PITPNC1: variants seen among roughly 807,000 people sequenced by gnomAD.
PITPNC1 encodes phosphatidylinositol transfer protein cytoplasmic 1.
PITPNC1 carries 18 observed loss-of-function variants against 44.7 expected under a neutral mutation model. The observed-to-expected ratio is 0.40, with a 90% CI of 0.28 to 0.60. PITPNC1 has a LOEUF of 0.60. Among genes scored for constraint, PITPNC1 ranks in the 20% least tolerant of loss-of-function variants. PITPNC1 has a pLI of 0.39. For missense variants in PITPNC1, 290 were observed against 418.4 expected, an observed-to-expected ratio of 0.69 and a Z score of 2.68; for synonymous variants, 141 against 149.6, an observed-to-expected ratio of 0.94 and a Z score of 0.42.
chr17:67,582,810 G>A (rs889842979), intron 5 of PITPNC1, among the ~76,000 whole-genome samples: 3 of 152,188 alleles, frequency 2.0e-5, no homozygotes, highest in Non-Finnish European at 4.4e-5. Context: ...GTAAGGTTCC[G>A]TTGTTTATCC....
In PITPNC1 at chr17:67,694,147, G is replaced by A. The variant is rs2537845; in HGVS notation, c.*1259G>A. 120,373 of 152,202 alleles carry A rather than the reference G, an allele frequency of 0.79. 47,904 individuals carry two copies. The highest frequency in any genetic ancestry group is 0.92 in the East Asian group (4,771 of 5,180). The allele number at this position is 152,202 out of a possible 1,614,324, so 9.4% of individuals were successfully genotyped here. ...AGAATCAAGGTTGACAGGAGGCAAG[G>A]TCACTCACTGAAGTGACAGAAAGAC... is the stretch of plus-strand genomic sequence containing the variant. On this transcript the variant is annotated 3_prime_UTR_variant, in exon 9 of 9. Transcript: ENST00000581322.
In PITPNC1 at chr17:67,425,200, C is replaced by CGT. The variant is rs2038738371; in HGVS notation, c.48+46998_48+46999insGT. ...CAGCCATGTTGTGCGCGCGCACGCA[C>CGT]ACGCACACACACACACACACACACA... is the stretch of plus-strand genomic sequence containing the variant. On this transcript the variant is annotated intron_variant, in intron 1 of 8. Transcript: ENST00000581322. Among the ~76,000 whole-genome samples, 12 of 26,244 alleles carry CGT rather than the reference C, an allele frequency of 4.6e-4. 1 individual carries two copies. Among genetic ancestry groups the CGT allele is most frequent in the Admixed American group, 2.6e-3 (9 of 3,480 alleles). The allele number at this position is 26,244 out of a possible 152,430, so 17.2% of individuals were successfully genotyped here. A position where few individuals can be genotyped will look rare whatever the true frequency, so the allele number is the denominator to read the frequency against.
intron 1 of PITPNC1, among the ~76,000 whole-genome samples, chr17:67,405,134 C>T (rs1300626213): frequency 6.6e-6 from 1 of 152,040 alleles, no homozygotes; most frequent in Non-Finnish European, 1.5e-5. Context: ...GTAATCCCAG[C>T]TACTTGGGAG....
Position 67,378,131 on chromosome 17 carries a change from CG to C in PITPNC1, c.-19del. 2.6e-6 allele frequency: 4 copies of C among 1,523,710 alleles called. No homozygotes were observed. The highest frequency in any genetic ancestry group is 3.5e-6 in the Non-Finnish European group (4 of 1,135,990). The allele number at this position is 1,523,710 out of a possible 1,614,324, so 94.4% of individuals were successfully genotyped here. On this transcript the variant is annotated 5_prime_UTR_variant, in exon 1 of 9. Coordinates refer to ENST00000581322, the MANE Select transcript of PITPNC1 (RefSeq NM_012417.4). ...TGGGGGCGCCCCCCGCTTCCCGCCC[CG>C]GGGGTCCGCGGCCGGCAGGACCATG...
At chr17:67,562,340 G>A (rs548434876) in intron 4 of PITPNC1, among the ~76,000 whole-genome samples, 1 of 152,188 alleles carries the variant, frequency 6.6e-6, no homozygotes, top group East Asian at 1.9e-4. Context: ...GCTGTTTTCC[G>A]GCTGTGTTTC....
chr17:67,660,705 C>G (rs1395325570), intron 6 of PITPNC1, among the ~76,000 whole-genome samples: 1 of 151,744 alleles, frequency 6.6e-6, no homozygotes, highest in Non-Finnish European at 1.5e-5. Context: ...GCCACCACAC[C>G]TGGCTAATTT....
chr17:67,463,981 GT>G (rs1469417284), intron 1 of PITPNC1, among the ~76,000 whole-genome samples: 1 of 151,982 alleles, frequency 6.6e-6, no homozygotes, highest in Non-Finnish European at 1.5e-5. Context: ...ATCACTTGAG[GT>G]CAAGAGTTCG....
At chr17:67,555,672 CAAAAAAA>C (rs67935513) in intron 4 of PITPNC1, among the ~76,000 whole-genome samples, 56 of 78,152 alleles carry the variant, frequency 7.2e-4, no homozygotes, top group East Asian at 2.9e-3. Context: ...ACTAAAAATA[CAAAAAAA>C]AAAAAAAAAA....
At position 67,663,178 on chromosome 17, in the gene PITPNC1, T is replaced by C. The variant is rs184608959; in HGVS notation, c.463-6330T>C. On this transcript the variant is annotated intron_variant, in intron 6 of 8. Coordinates refer to ENST00000581322, the MANE Select transcript of PITPNC1 (RefSeq NM_012417.4). ...CATTGTATGGATATAACACATGTTG[T>C]GTATCTGATACAGGCAAGCCCCTAA... Among the ~76,000 whole-genome samples, 378 of 152,302 alleles carry C rather than the reference T, an allele frequency of 2.5e-3. 2 individuals are homozygous for C. The highest frequency in any genetic ancestry group is 8.5e-3 in the African/African-American group (355 of 41,560).
At chr17:67,513,810 A>G (rs1279598356) in intron 1 of PITPNC1, among the ~76,000 whole-genome samples, 1 of 152,192 alleles carries the variant, frequency 6.6e-6, no homozygotes, top group Non-Finnish European at 1.5e-5. Flanking sequence ...CCCACTGCTT[A>G]GCATCCTATG....
intron 1 of PITPNC1, among the ~76,000 whole-genome samples, chr17:67,452,118 A>C (rs1247198775): frequency 6.6e-6 from 1 of 151,448 alleles, no homozygotes; most frequent in Non-Finnish European, 1.5e-5. Context: ...GATCCTCCCA[A>C]CGTCATCCTC....
At chr17:67,492,812 T>C (rs572157893) in intron 1 of PITPNC1, among the ~76,000 whole-genome samples, 17 of 152,290 alleles carry the variant, frequency 1.1e-4, no homozygotes, top group African/African-American at 4.1e-4. Flanking sequence ...TTGTGAGATG[T>C]GTTTATCCTG....
intron 1 of PITPNC1, among the ~76,000 whole-genome samples, chr17:67,436,939 GACAGGATCTC>G (rs2038947250): frequency 1.4e-5 from 1 of 73,136 alleles, no homozygotes; most frequent in African/African-American, 5.2e-5. Context: ...TTTTTTTTGA[GACAGGATCTC>G]ACTCTGCTTG....
rs765438615 is a variant in PITPNC1 at position 67,693,730 on chromosome 17, T to G, written c.*842T>G. 1 of 152,230 alleles carries G rather than the reference T, an allele frequency of 6.6e-6. No individual in the cohort carries two copies. Among genetic ancestry groups the G allele is most frequent in the Non-Finnish European group, 1.5e-5 (1 of 68,048 alleles). The allele number at this position is 152,230 out of a possible 1,614,324, so 9.4% of individuals were successfully genotyped here. On this transcript the variant is annotated 3_prime_UTR_variant, in exon 9 of 9. Coordinates refer to ENST00000581322, the MANE Select transcript of PITPNC1 (RefSeq NM_012417.4). ...CAATTAAGATTCTCAGAATTTGCAA[T>G]TAATTGAATAGAATTCATTTACTAT...
chr17:67,395,235 C>T (rs1407424287), intron 1 of PITPNC1, among the ~76,000 whole-genome samples: 1 of 151,562 alleles, frequency 6.6e-6, no homozygotes, highest in African/African-American at 2.4e-5. Flanking sequence ...CTCATTGTAG[C>T]CTCACACTTC....
intron 5 of PITPNC1, among the ~76,000 whole-genome samples, chr17:67,629,382 C>G (rs2041937813): frequency 6.6e-6 from 1 of 152,180 alleles, no homozygotes; most frequent in Non-Finnish European, 1.5e-5. Context: ...AAGTGATTCT[C>G]CTGCCTCAGG....
At chr17:67,620,853 G>A (rs1190685589) in intron 5 of PITPNC1, among the ~76,000 whole-genome samples, 2 of 152,190 alleles carry the variant, frequency 1.3e-5, no homozygotes, top group Non-Finnish European at 2.9e-5. Flanking sequence ...ATTACCAAAT[G>A]GGGTTTCAAT....
intron 6 of PITPNC1, among the ~76,000 whole-genome samples, chr17:67,649,302 A>T (rs962939929): frequency 6.6e-6 from 1 of 152,220 alleles, no homozygotes; most frequent in African/African-American, 2.4e-5. Flanking sequence ...CCCATCTGGA[A>T]ATTTCTAAAG....
chr17:67,444,828 C>T (rs1263712463), intron 1 of PITPNC1, among the ~76,000 whole-genome samples: 1 of 151,842 alleles, frequency 6.6e-6, no homozygotes, highest in Non-Finnish European at 1.5e-5. Flanking sequence ...ACCCAGGAGG[C>T]GGAGGTTGCA....
Sources: allele counts gnomAD v4.1 joint callset (sites outside exome capture counted in the v4.1 genomes callset), GRCh38; gene constraint gnomAD v4.1.1; transcripts MANE v1.5; gene names NCBI Gene and HGNC (gene_info 2026-07-23, HGNC 2026-07-21).